UNC80: variants seen among roughly 807,000 people sequenced by gnomAD.
UNC80 encodes the protein protein unc-80 homolog.
A neutral mutation model predicts 384.6 loss-of-function variants in UNC80; 164 were observed. The ratio of observed to expected loss-of-function variants is 0.43; its 90% CI spans 0.38 to 0.49. UNC80 has a LOEUF of 0.49. UNC80 is among the 20% of genes least tolerant of loss of function. The probability of loss-of-function intolerance (pLI) is 0.00; values close to 1 mark genes in which losing one functional copy is unlikely to be tolerated. For missense variants in UNC80, 3,330 were observed against 4,143.0 expected (o/e 0.80, Z 5.39); for synonymous variants, 1,486 against 1,527.8 (o/e 0.97, Z 0.64).
chr2:209,809,864 C>G (rs770621766), intron 7 of UNC80, among the ~76,000 whole-genome samples: 1 of 152,172 alleles, frequency 6.6e-6, no homozygotes, highest in Admixed American at 6.5e-5. Context: ...AGCTTGGGGG[C>G]ATTCTTGAAC....
At chr2:209,961,511 A>T (rs1414372208) in intron 51 of UNC80, 1 of 152,234 alleles carries the variant, frequency 6.6e-6, no homozygotes, top group Non-Finnish European at 1.5e-5. Flanking sequence ...GAGAGTGTAT[A>T]CAAATTATAG....
At chr2:209,897,638 T>C (rs1387437737) in intron 28 of UNC80, among the ~76,000 whole-genome samples, 1 of 152,228 alleles carries the variant, frequency 6.6e-6, no homozygotes, top group African/African-American at 2.4e-5. Context: ...AATCATATCT[T>C]TATGATATTG....
chr2:209,884,024 C>T (rs1334561364), intron 25 of UNC80, among the ~76,000 whole-genome samples: 1 of 152,096 alleles, frequency 6.6e-6, no homozygotes, highest in Non-Finnish European at 1.5e-5. Flanking sequence ...CCCCCCTCCC[C>T]CACAAAGAAA....
intron 10 of UNC80, among the ~76,000 whole-genome samples, chr2:209,817,535 G>A (rs751152828): frequency 6.6e-6 from 1 of 151,582 alleles, no homozygotes; most frequent in Non-Finnish European, 1.5e-5. Context: ...TACTAAATAG[G>A]CCAATTTAAA....
At chr2:209,863,423 T>G (rs1414515338) in intron 22 of UNC80, among the ~76,000 whole-genome samples, 1 of 152,190 alleles carries the variant, frequency 6.6e-6, no homozygotes, top group Non-Finnish European at 1.5e-5. Context: ...TATCCGGAAG[T>G]GTGTTTTCCA....
chr2:209,959,586 T>G lies in UNC80; in HGVS notation c.7684T>G (p.Leu2562Val), dbSNP rs935534458. The G allele has an allele frequency of 6.4e-7, 1 of 1,551,594 alleles. No individual in the cohort carries two copies. The highest frequency in any genetic ancestry group is 1.4e-5 in the African/African-American group (1 of 73,038). ...REEFRRPRES[L>V]LNICTEFYKH... ...AGAGTTCAGAAGACCCCGGGAGTCC[T>G]TACTGAATATTTGCACTGAGTTCTA... The change falls in exon 51 of 65, where the codon TTA becomes GTA. Residue 2562 changes from leucine to valine, a missense_variant. Transcript: ENST00000673920.
At chr2:209,952,928 A>G (rs2092251928) in intron 47 of UNC80, among the ~76,000 whole-genome samples, 1 of 152,222 alleles carries the variant, frequency 6.6e-6, no homozygotes. Flanking sequence ...CTTATAGAGC[A>G]CATATTATAG....
At chr2:209,993,264 T>C in intron 62 of UNC80, 51 bp from the exon 63 acceptor site, 1 of 1,380,624 alleles carries the variant, frequency 7.2e-7, no homozygotes, top group Non-Finnish European at 1.0e-6. Flanking sequence ...AACAATTTCC[T>C]CCTAGGCAGT....
At chr2:209,893,762 G>A (rs978029631) in intron 26 of UNC80, among the ~76,000 whole-genome samples, 3 of 152,140 alleles carry the variant, frequency 2.0e-5, no homozygotes, top group Non-Finnish European at 4.4e-5. Flanking sequence ...CCAAAATGAA[G>A]GGGTTTACGT....
intron 39 of UNC80, among the ~76,000 whole-genome samples, chr2:209,934,229 C>T (rs1016081915): frequency 5.9e-5 from 9 of 152,036 alleles, no homozygotes; most frequent in Admixed American, 1.3e-4. Context: ...AACTGAGATC[C>T]GCATGAATCA....
At chr2:209,967,369 A>G in intron 51 of UNC80, 68 bp from the exon 52 acceptor site, 1 of 1,235,520 alleles carries the variant, frequency 8.1e-7, no homozygotes, top group Non-Finnish European at 1.1e-6. Flanking sequence ...GTTGCTGTGT[A>G]AAAAAATTCC....
Position 209,872,955 on chromosome 2 carries a change from C to T in UNC80, c.3825C>T (p.Phe1275=). 1 of 1,551,672 alleles carries T rather than the reference C, an allele frequency of 6.4e-7. No individual in the cohort carries two copies. The highest frequency in any genetic ancestry group is 8.7e-7 in the Non-Finnish European group (1 of 1,146,962). ...TGCAGTGGAATGCAGCCAAGCTCTTCTACCAATGGGGAGACGTGAGCTTTC... is the reference window on the plus strand; with the variant it reads ...TGCAGTGGAATGCAGCCAAGCTCTTTTACCAATGGGGAGACGTGAGCTTTC... ...QKLQWNAAKL[F]YQWGDAIGVR... The change falls in exon 23 of 65, where the codon TTC becomes TTT. Residue 1275 remains phenylalanine (F), a synonymous_variant. Transcript: ENST00000673920. The surrounding 1 kb of genome is among the most constrained non-coding windows in gnomAD (Gnocchi z 4.1).
Position 209,945,916 on chromosome 2 carries a change from T to C in UNC80, c.7259T>C (p.Val2420Ala). The C allele has an allele frequency of 6.4e-7, 1 of 1,551,842 alleles. No homozygotes were observed. The highest frequency in any genetic ancestry group is 2.4e-5 in the East Asian group (1 of 40,930). ...SEAIKLCVTV[V>A]AYAPESFRSL... ...GCCATTAAGCTCTGTGTCACTGTGG[T>C]GGCGTATGCTCCCGAATCATTCAGA... Residue 2420 changes from valine to alanine, a missense_variant, in exon 47 of 65, where the codon GTG becomes GCG. Val to Ala is a moderately conservative substitution (Grantham distance 64). This residue lies in a region of UNC80 where 1,049 missense variants were observed against 1,488.6 expected (regional missense o/e 0.70). Coordinates refer to ENST00000673920, the MANE Select transcript of UNC80 (RefSeq NM_001371986.1).
chr2:209,878,067 G>A lies in UNC80; in HGVS notation c.3954G>A (p.Glu1318=). The A allele has an allele frequency of 6.5e-7, 1 of 1,540,074 alleles. No homozygotes were observed. The highest frequency in any genetic ancestry group is 1.2e-5 in the South Asian group (1 of 82,414). Residue 1318 remains glutamate (E), a synonymous_variant, in exon 24 of 65, where the codon GAG becomes GAA. Coordinates refer to ENST00000673920, the MANE Select transcript of UNC80 (RefSeq NM_001371986.1). ...ETKRRLRKED[E]EEDFLDDSTV... ...AGAGGAGACTTAGAAAGGAGGATGAGGAGGAAGACTTTTTAGATGACAGTA... is the reference window on the plus strand; with the variant it reads ...AGAGGAGACTTAGAAAGGAGGATGAAGAGGAAGACTTTTTAGATGACAGTA...
chr2:209,891,044 T>C (rs1260525736), intron 26 of UNC80, among the ~76,000 whole-genome samples: 1 of 152,216 alleles, frequency 6.6e-6, no homozygotes, highest in Non-Finnish European at 1.5e-5. Flanking sequence ...ATTTTATGTG[T>C]TGAAGTATTT....
intron 28 of UNC80, among the ~76,000 whole-genome samples, chr2:209,900,288 T>C (rs1291542780): frequency 6.6e-6 from 1 of 152,226 alleles, no homozygotes; most frequent in Non-Finnish European, 1.5e-5. Flanking sequence ...GGTGCTGTTT[T>C]TCTAATAGCA....
At chr2:209,813,517 G>A (rs1403956775) in intron 7 of UNC80, 63 bp from the exon 8 acceptor site, 3 of 1,490,500 alleles carry the variant, frequency 2.0e-6, no homozygotes, top group Non-Finnish European at 2.7e-6. Flanking sequence ...TATAAGCCAT[G>A]CTGTGCTGCC....
intron 4 of UNC80, among the ~76,000 whole-genome samples, chr2:209,784,568 T>C (rs2077320893): frequency 6.6e-6 from 1 of 152,182 alleles, no homozygotes; most frequent in African/African-American, 2.4e-5. Context: ...GGAATACTTT[T>C]CCTGGAGATA....
intron 14 of UNC80, among the ~76,000 whole-genome samples, chr2:209,828,939 A>C (rs1186477079): frequency 6.6e-6 from 1 of 152,142 alleles, no homozygotes; most frequent in Non-Finnish European, 1.5e-5. Flanking sequence ...AGATCTTAAA[A>C]TCTCTATCTT....
Sources: gnomAD v4.1 joint callset for allele counts (sites outside exome capture counted in the v4.1 genomes callset) on GRCh38, gnomAD v4.1.1 for gene constraint, gnomAD v4.1.1 regional missense constraint, Gnocchi (gnomAD v3.1) non-coding constraint, MANE v1.5 for transcripts, NCBI Gene and HGNC (gene_info 2026-07-23, HGNC 2026-07-21) for gene names.